TCHHL1: variants seen among roughly 807,000 people sequenced by gnomAD.
TCHHL1 encodes trichohyalin like 1.
Under a neutral mutation model 3.5 loss-of-function variants are expected in TCHHL1, and 1 was observed. The observed-to-expected ratio is 0.29, with a 90% CI of 0.10 to 1.36. The LOEUF (loss-of-function observed/expected upper bound fraction) is 1.36. TCHHL1 is among the 40% of genes most tolerant of loss of function. The probability of loss-of-function intolerance (pLI) is 0.43; values close to 1 mark genes in which losing one functional copy is unlikely to be tolerated. For synonymous variants in TCHHL1, 405 were observed against 375.3 expected, an observed-to-expected ratio of 1.08 and a Z score of -0.92; for missense variants, 1,027 against 1,032.8, an observed-to-expected ratio of 0.99 and a Z score of 0.08.
At position 152,086,864 on chromosome 1, in the gene TCHHL1, C is replaced by G. The variant is rs1657741772; in HGVS notation, c.818G>C (p.Cys273Ser). ...TTCTGTTCTAACTTCCTGATCTTCA[C>G]ATGGTCTTTGTGTTGCTTCTTTTGG... is the stretch of plus-strand genomic sequence containing the variant. ...SPPKEATQRP[C>S]EDQEVRTEKE... Residue 273 changes from cysteine (C) to serine (S), a missense_variant, in exon 3 of 3, where the codon TGT becomes TCT. By Grantham distance (112) the Cys-to-Ser change is moderately radical. Coordinates refer to ENST00000368806, the MANE Select transcript of TCHHL1 (RefSeq NM_001008536.2). The G allele has an allele frequency of 6.2e-7, 1 of 1,614,052 alleles. No homozygotes were observed. The highest frequency in any genetic ancestry group is 1.7e-5 in the Admixed American group (1 of 59,998).
rs991651066 is a variant in TCHHL1, at chr1:152,085,694, T to G, written c.1988A>C (p.Glu663Ala). The stretch of plus-strand genomic sequence containing the variant: ...CTCTATTTCCAGGGACTTTCTATTT[T>G]CATCTCCTGCTGTGGATTCCTGTGC... ...PEAQESTAGD[E>A]NRKSLEIEIT... Residue 663 changes from glutamate to alanine, a missense_variant, in exon 3 of 3, where the codon GAA (glutamate) becomes GCA (alanine). Transcript: ENST00000368806. 1 of 1,614,198 alleles carries G rather than the reference T, an allele frequency of 6.2e-7. No individual in the cohort carries two copies. The highest frequency in any genetic ancestry group is 8.5e-7 in the Non-Finnish European group (1 of 1,180,038).
chr1:152,085,395 T>C lies in TCHHL1; in HGVS notation c.2287A>G (p.Ser763Gly), dbSNP rs374069973. The change falls in exon 3 of 3, where the codon AGT becomes GGT. Residue 763 changes from serine (S) to glycine (G), a missense_variant. Physicochemically the swap from Ser to Gly is moderately conservative, Grantham distance 56. Around this residue, in one of 3 missense-constraint regions of TCHHL1, gnomAD observed 673 missense variants for 658.6 expected, o/e 1.02. Coordinates refer to ENST00000368806, the MANE Select transcript of TCHHL1 (RefSeq NM_001008536.2). ...ELAGEGGDQK[S>G]PAKKEHNSSV... is the part of the protein sequence containing the mutation. ...GAATTGTGCTCTTTCTTGGCTGGAC[T>C]TTTTTGGTCACCACCTTCTCCTGCC... is the stretch of plus-strand genomic sequence containing the variant. 3 of 1,614,092 alleles carry C rather than the reference T, an allele frequency of 1.9e-6. No homozygotes were observed. Among genetic ancestry groups the C allele is most frequent in the Non-Finnish European group, 8.5e-7 (1 of 1,180,034 alleles).
intron 1 of TCHHL1, among the ~76,000 whole-genome samples, chr1:152,088,801 C>T (rs955312702): frequency 3.3e-5 from 5 of 152,052 alleles, no homozygotes; most frequent in Admixed American, 6.6e-5. Context: ...ATATTCATGC[C>T]TATGACTTCT....
intron 1 of TCHHL1, 51 bp from the exon 2 acceptor site, chr1:152,088,214 A>T (rs1314453789): frequency 4.8e-6 from 7 of 1,467,100 alleles, no homozygotes; most frequent in Non-Finnish European, 5.4e-6. Flanking sequence ...TCCTTCAGGG[A>T]GGAGATACCA....
Position 152,086,360 on chromosome 1 carries a change from C to T in TCHHL1, c.1322G>A (p.Gly441Asp), listed in dbSNP as rs941814904. 2 of 1,614,198 alleles carry T rather than the reference C, an allele frequency of 1.2e-6. No individual in the cohort carries two copies. The highest frequency in any genetic ancestry group is 1.7e-6 in the Non-Finnish European group (2 of 1,180,018). Residue 441 changes from glycine (G) to aspartate (D), a missense_variant, in exon 3 of 3, where the codon GGT becomes GAT. Physicochemically the swap from Gly to Asp is moderately conservative, Grantham distance 94 (BLOSUM62 -1). Transcript: ENST00000368806. Reference protein sequence around the residue: ...GLSKSKDAEKGSETQYLSSEG... With the variant: ...GLSKSKDAEKDSETQYLSSEG... ...TGAGCTTAGATATTGTGTCTCAGAA[C>T]CTTTTTCAGCATCTTTTGATTTTGA...
At position 152,084,605 on chromosome 1, in the gene TCHHL1, T is replaced by C. The variant is rs1009255703; in HGVS notation, c.*362A>G. On this transcript the variant is annotated 3_prime_UTR_variant, in exon 3 of 3. Coordinates refer to ENST00000368806, the MANE Select transcript of TCHHL1 (RefSeq NM_001008536.2). ...ATGATTATGAGATATTATTGCAGAG[T>C]CTTATAATTTCCTACTGCTCTATTT... 1 of 186,842 alleles carries C rather than the reference T, an allele frequency of 5.4e-6. No individual in the cohort carries two copies. Among genetic ancestry groups the C allele is most frequent in the Admixed American group, 5.4e-5 (1 of 18,536 alleles). 11.6% of individuals were successfully genotyped at this position (186,842 alleles called of 1,614,324 possible).
Position 152,086,224 on chromosome 1 carries a change from T to A in TCHHL1, c.1458A>T (p.Ala486=), listed in dbSNP as rs765261485. ...CCCCCAGTGTCCTTTCTGCTGCAGG[T>A]GCGTTTTTGCTGTTCACAAATGCTT... ...TAEAFVNSKN[A]PAAERTLGAR... The change falls in exon 3 of 3, where the codon GCA becomes GCT. Residue 486 remains alanine (A), a synonymous_variant. Transcript: ENST00000368806. 19 of 1,614,218 alleles carry A rather than the reference T, an allele frequency of 1.2e-5. No individual in the cohort carries two copies. Among genetic ancestry groups the A allele is most frequent in the Non-Finnish European group, 1.6e-5 (19 of 1,180,036 alleles).
rs1657693230 is a variant in TCHHL1, at chr1:152,085,104, T to A, written c.2578A>T (p.Thr860Ser). ...CTCTCATCAAGTGGAAGTCCCCTGG[T>A]ATATGGTTGTGATGCTTGGCTGTAG... ...FNYSQASQPY[T>S]RGLPLDESPA... The change falls in exon 3 of 3, where the codon ACC (threonine) becomes TCC (serine). Residue 860 changes from threonine to serine, a missense_variant. Physicochemically the swap from Thr to Ser is moderately conservative, Grantham distance 58 (BLOSUM62 1). Transcript: ENST00000368806. 1.9e-6 allele frequency: 3 copies of A among 1,613,862 alleles called. No homozygotes were observed. The highest frequency in any genetic ancestry group is 2.7e-5 in the African/African-American group (2 of 74,836).
rs781043402 is a variant in TCHHL1 at position 152,085,130 on chromosome 1, T to C, written c.2552A>G (p.Asn851Ser). The change falls in exon 3 of 3, where the codon AAC (asparagine) becomes AGC (serine). Residue 851 changes from asparagine (N) to serine (S), a missense_variant. Asn to Ser is a conservative substitution (Grantham distance 46). Coordinates refer to ENST00000368806, the MANE Select transcript of TCHHL1 (RefSeq NM_001008536.2). ...ATATGGTTGTGATGCTTGGCTGTAGTTGAAAAAGACAGAACAATCTGAGAT... is the reference window on the plus strand; with the variant it reads ...ATATGGTTGTGATGCTTGGCTGTAGCTGAAAAAGACAGAACAATCTGAGAT... ...SEISDCSVFF[N>S]YSQASQPYTR... is the part of the protein sequence containing the mutation. The C allele has an allele frequency of 2.1e-5, 34 of 1,613,972 alleles. No individual in the cohort carries two copies. The highest frequency in any genetic ancestry group is 2.8e-5 in the Non-Finnish European group (33 of 1,180,030).
chr1:152,087,469 A>G lies in TCHHL1; in HGVS notation c.213T>C (p.Asp71=), dbSNP rs367938735. 5.0e-6 allele frequency: 8 copies of G among 1,604,356 alleles called. No individual in the cohort carries two copies. The highest frequency in any genetic ancestry group is 2.7e-5 in the African/African-American group (2 of 74,938). ...AGTTGAAGATTGCAAGAACAAATTCATCAAAACTGATGATGCCATTACTGT... is the reference window on the plus strand; with the variant it reads ...AGTTGAAGATTGCAAGAACAAATTCGTCAAAACTGATGATGCCATTACTGT... ...NIDSNGIISF[D]EFVLAIFNLL... is the part of the protein sequence containing the mutation. Residue 71 remains aspartate, a synonymous_variant, in exon 3 of 3, where the codon GAT becomes GAC. Transcript: ENST00000368806.
In TCHHL1 at chr1:152,085,089, G is replaced by A. The variant is rs200470055; in HGVS notation, c.2593C>T (p.Leu865Phe). The change falls in exon 3 of 3, where the codon CTT becomes TTT. Residue 865 changes from leucine to phenylalanine, a missense_variant. By Grantham distance (22) the Leu-to-Phe change is conservative. Coordinates refer to ENST00000368806, the MANE Select transcript of TCHHL1 (RefSeq NM_001008536.2). Reference sequence around the variant, plus strand: ...TGTGCACCAGCAGGACTCTCATCAAGTGGAAGTCCCCTGGTATATGGTTGT... The same window carrying A: ...TGTGCACCAGCAGGACTCTCATCAAATGGAAGTCCCCTGGTATATGGTTGT... ...ASQPYTRGLPLDESPAGAQET... is the reference protein window; with the variant it reads ...ASQPYTRGLPFDESPAGAQET... The A allele has an allele frequency of 6.8e-6, 11 of 1,613,946 alleles. No homozygotes were observed. The South Asian group carries it at 1.1e-4, about 16-fold the overall frequency.
chr1:152,088,033 G>C lies in TCHHL1; in HGVS notation c.111C>G (p.Ile37Met). Residue 37 changes from isoleucine (I) to methionine (M), a missense_variant, in exon 2 of 3, where the codon ATC (isoleucine) becomes ATG (methionine). Coordinates refer to ENST00000368806, the MANE Select transcript of TCHHL1 (RefSeq NM_001008536.2). Reference protein sequence around the residue: ...TLTGRELKQLIQGEFGDFFQP... With the variant: ...TLTGRELKQLMQGEFGDFFQP... ...GAAAAAAGTCCCCAAACTCGCCCTG[G>C]ATGAGTTGTTTCAGCTCTCTGCCAG... is the stretch of plus-strand genomic sequence containing the variant. 2 of 1,606,596 alleles carry C rather than the reference G, an allele frequency of 1.2e-6. No homozygotes were observed. Among genetic ancestry groups the C allele is most frequent in the Non-Finnish European group, 1.7e-6 (2 of 1,177,764 alleles).
chr1:152,087,597 A>C, intron 2 of TCHHL1, 54 bp from the exon 3 acceptor site: 1 of 1,497,972 alleles, frequency 6.7e-7, no homozygotes, highest in Non-Finnish European at 8.9e-7. Context: ...CCAGTGTCCT[A>C]AGTGTCTCCC....
Position 152,086,791 on chromosome 1 carries a change from A to G in TCHHL1, c.891T>C (p.Asp297=), listed in dbSNP as rs1557801767. The G allele has an allele frequency of 6.2e-7, 1 of 1,614,112 alleles. No individual in the cohort carries two copies. The highest frequency in any genetic ancestry group is 1.7e-5 in the Admixed American group (1 of 60,016). The stretch of plus-strand genomic sequence containing the variant: ...GGTCAGCATGCTGTGAACTGGGCTC[A>G]TCTTCTCTTTGTAGGGGTGGTTCTT... ...NIQEPPLQRE[D]EPSSQHADLP... is the part of the protein sequence containing the mutation. The change falls in exon 3 of 3, where the codon GAT becomes GAC. Residue 297 remains aspartate (D), a synonymous_variant. Transcript: ENST00000368806.
Position 152,086,151 on chromosome 1 carries a change from C to T in TCHHL1, c.1531G>A (p.Gly511Arg), listed in dbSNP as rs1163303809. ...GTCTTGGTGACCCTAGTATTTTCTC[C>T]TACAGACTGCTTCTCAAGTGGTGCT... Reference protein sequence around the residue: ...DLAPLEKQSVGENTRVTKTHD... With the variant: ...DLAPLEKQSVRENTRVTKTHD... Residue 511 changes from glycine to arginine, a missense_variant, in exon 3 of 3, where the codon GGA becomes AGA. Physicochemically the swap from Gly to Arg is moderately radical, Grantham distance 125 (BLOSUM62 -2). Transcript: ENST00000368806. 6.2e-7 allele frequency: 1 copy of T among 1,614,082 alleles called. No homozygotes were observed. The highest frequency in any genetic ancestry group is 1.3e-5 in the African/African-American group (1 of 74,916).
rs1657707114 is a variant in TCHHL1 at position 152,085,684 on chromosome 1, C to CT, written c.1997dup (p.Ser667ValfsTer12). On this transcript the variant is annotated frameshift_variant, in exon 3 of 3. Coordinates refer to ENST00000368806, the MANE Select transcript of TCHHL1 (RefSeq NM_001008536.2). LOFTEE classifies it low-confidence loss of function (END_TRUNC). ...CACCTGTGATCTCTATTTCCAGGGA[C>CT]TTTCTATTTTCATCTCCTGCTGTGG... 6.2e-7 allele frequency: 1 copy of CT among 1,614,166 alleles called. No individual in the cohort carries two copies. The highest frequency in any genetic ancestry group is 8.5e-7 in the Non-Finnish European group (1 of 1,180,038).
At position 152,085,709 on chromosome 1, in the gene TCHHL1, G is replaced by A; in HGVS notation, c.1973C>T (p.Ser658Phe). The A allele has an allele frequency of 2.5e-6, 4 of 1,614,144 alleles. No homozygotes were observed. The South Asian group carries it at 4.4e-5, about 18-fold the overall frequency. The change falls in exon 3 of 3, where the codon TCC (serine) becomes TTC (phenylalanine). Residue 658 changes from serine (S) to phenylalanine (F), a missense_variant. Physicochemically the swap from Ser to Phe is radical, Grantham distance 155 (BLOSUM62 -2). Coordinates refer to ENST00000368806, the MANE Select transcript of TCHHL1 (RefSeq NM_001008536.2). ...EPNGHPEAQESTAGDENRKSL... is the reference protein window; with the variant it reads ...EPNGHPEAQEFTAGDENRKSL... The stretch of plus-strand genomic sequence containing the variant: ...CTTTCTATTTTCATCTCCTGCTGTG[G>A]ATTCCTGTGCTTCTGGGTGTCCATT...
At chr1:152,087,819 C>T (rs1008528137) in intron 2 of TCHHL1, among the ~76,000 whole-genome samples, 187 bp downstream of exon 2, 2 of 152,180 alleles carry the variant, frequency 1.3e-5, no homozygotes, top group African/African-American at 4.8e-5. Context: ...GTGACGAAAA[C>T]CTCTTTTTCT....
Position 152,087,089 on chromosome 1 carries a change from G to A in TCHHL1, c.593C>T (p.Thr198Ile). The change falls in exon 3 of 3, where the codon ACA (threonine) becomes ATA (isoleucine). Residue 198 changes from threonine (T) to isoleucine (I), a missense_variant. By Grantham distance (89) the Thr-to-Ile change is moderately conservative. Transcript: ENST00000368806. ...QSQEVAQDIQTTEDNEGQLKT... is the reference protein window; with the variant it reads ...QSQEVAQDIQITEDNEGQLKT... ...AAGTTGGCCTTCATTGTCTTCTGTT[G>A]TTTGTATATCTTGAGCCACTTCCTG... 1 of 1,614,052 alleles carries A rather than the reference G, an allele frequency of 6.2e-7. No individual in the cohort carries two copies. The highest frequency in any genetic ancestry group is 8.5e-7 in the Non-Finnish European group (1 of 1,179,998).
Sources: gnomAD v4.1 joint callset for allele counts (sites outside exome capture counted in the v4.1 genomes callset) on GRCh38, gnomAD v4.1.1 for gene constraint, gnomAD v4.1.1 regional missense constraint, MANE v1.5 for transcripts, NCBI Gene and HGNC (gene_info 2026-07-23, HGNC 2026-07-21) for gene names.